INSC: variants seen among roughly 807,000 people sequenced by gnomAD.
INSC encodes protein inscuteable homolog.
INSC carries 67 observed loss-of-function variants against 58.6 expected under a neutral mutation model. The observed-to-expected ratio is 1.14, with a 90% CI of 0.94 to 1.40. The LOEUF (loss-of-function observed/expected upper bound fraction) is 1.40, where lower values mean the gene tolerates loss of function less well. INSC is among the 40% of genes most tolerant of loss of function. The pLI is 0.00. For synonymous variants in INSC, 262 were observed against 276.1 expected, an observed-to-expected ratio of 0.95 and a Z score of 0.51; for missense variants, 714 against 692.0, an observed-to-expected ratio of 1.03 and a Z score of -0.36.
Position 15,175,972 on chromosome 11 carries a change from C to T in INSC, c.288C>T (p.Ala96=), listed in dbSNP as rs921727981. 6.2e-7 allele frequency: 1 copy of T among 1,613,508 alleles called. No individual in the cohort carries two copies. The highest frequency in any genetic ancestry group is 1.7e-5 in the Admixed American group (1 of 59,930). Residue 96 remains alanine, a synonymous_variant, in exon 3 of 13, where the codon GCC becomes GCT. Coordinates refer to ENST00000379556, the MANE Select transcript of INSC (RefSeq NM_001042536.3). ...TGCGCAGGATCGGGCAGAAGCTGGCCCAGGACCGCTGGGCACGGGTGCACA... is the reference window on the plus strand; with the variant it reads ...TGCGCAGGATCGGGCAGAAGCTGGCTCAGGACCGCTGGGCACGGGTGCACA... ...TELRRIGQKL[A]QDRWARVHSM...
intron 7 of INSC, among the ~76,000 whole-genome samples, chr11:15,213,480 A>G (rs186601134): frequency 6.6e-6 from 1 of 152,292 alleles, no homozygotes; most frequent in African/African-American, 2.4e-5. Context: ...TGAAAACTTG[A>G]TATTTTCTTA....
chr11:15,173,827 C>T (rs531404114), intron 2 of INSC, among the ~76,000 whole-genome samples: 28 of 152,208 alleles, frequency 1.8e-4, no homozygotes, highest in Admixed American at 5.2e-4. Context: ...CATTTAAAAG[C>T]CTACAGTCAA....
At chr11:15,193,090 T>G (rs1314671172) in intron 6 of INSC, among the ~76,000 whole-genome samples, 2 of 152,212 alleles carry the variant, frequency 1.3e-5, no homozygotes, top group Non-Finnish European at 2.9e-5. Flanking sequence ...AATTGTGAGC[T>G]TTGATTCCAA....
At chr11:15,167,775 C>T (rs2133802875) in intron 2 of INSC, among the ~76,000 whole-genome samples, 2 of 152,276 alleles carry the variant, frequency 1.3e-5, no homozygotes, top group Admixed American at 1.3e-4. Flanking sequence ...TGAGACATCA[C>T]ACCTGGCTTA....
downstream of INSC, among the ~76,000 whole-genome samples, chr11:15,251,708 A>G (rs1201342355): frequency 2.6e-5 from 4 of 152,150 alleles, no homozygotes; most frequent in Non-Finnish European, 5.9e-5. Flanking sequence ...GTACCACTTC[A>G]TTCTGGTGGG....
At chr11:15,151,469 G>T (rs1016337680) in intron 2 of INSC, among the ~76,000 whole-genome samples, 2 of 152,118 alleles carry the variant, frequency 1.3e-5, no homozygotes, top group Non-Finnish European at 2.9e-5. Flanking sequence ...GTACCTCCCT[G>T]GGGGGTGGTC....
Position 15,178,352 on chromosome 11 carries a change from C to T in INSC, c.484C>T (p.Leu162=). 6.2e-7 allele frequency: 1 copy of T among 1,613,986 alleles called. No homozygotes were observed. Among genetic ancestry groups the T allele is most frequent in the Non-Finnish European group, 8.5e-7 (1 of 1,180,026 alleles). The part of the protein sequence containing the change: ...RCLQVENEHV[L]KSMKACVSET... ...CCTTCAGGTTGAGAATGAGCATGTCCTGAAGTCAATGAAGGCCTGCGTGAG... is the reference window on the plus strand; with the variant it reads ...CCTTCAGGTTGAGAATGAGCATGTCTTGAAGTCAATGAAGGCCTGCGTGAG... The change falls in exon 5 of 13, where the codon CTG becomes TTG. Residue 162 remains leucine (L), a synonymous_variant. Coordinates refer to ENST00000379556, the MANE Select transcript of INSC (RefSeq NM_001042536.3).
chr11:15,113,143 T>TTCTCTCTCTCTC, upstream of INSC, among the ~76,000 whole-genome samples: 5 of 98,618 alleles, frequency 5.1e-5, no homozygotes, highest in African/African-American at 1.1e-4. Flanking sequence ...CTTTCTTTCT[T>TTCTCTCTCTCTC]TCTGTCTCTC....
intron 7 of INSC, among the ~76,000 whole-genome samples, chr11:15,207,632 G>A (rs1179300146): frequency 1.3e-5 from 2 of 152,210 alleles, no homozygotes; most frequent in African/African-American, 4.8e-5. Context: ...GGGCAGGAGG[G>A]AGTGGGCTGC....
chr11:15,181,110 T>A (rs1304986799), intron 5 of INSC, among the ~76,000 whole-genome samples: 1 of 152,250 alleles, frequency 6.6e-6, no homozygotes, highest in African/African-American at 2.4e-5. Context: ...GATGTGCCGG[T>A]CTGCTTTGCA....
chr11:15,261,442 T>C, the INSC span, among the ~76,000 whole-genome samples: 1 of 152,192 alleles, frequency 6.6e-6, no homozygotes, highest in Admixed American at 6.5e-5. Context: ...TAACACAATA[T>C]TGACCACATA....
chr11:15,217,715 T>TA (rs1398527249), intron 7 of INSC, among the ~76,000 whole-genome samples: 2 of 152,148 alleles, frequency 1.3e-5, no homozygotes, highest in African/African-American at 4.8e-5. Flanking sequence ...ACAGGCAATT[T>TA]ATAGTAGAGG....
intron 5 of INSC, among the ~76,000 whole-genome samples, chr11:15,180,694 C>CGGGGGGGGGTGGGGG (rs1849744556): frequency 2.4e-5 from 1 of 41,822 alleles, no homozygotes; most frequent in East Asian, 8.5e-4. Flanking sequence ...AGGGGGGGGG[C>CGGGGGGGGGTGGGGG]GGGGGGGGGT....
At chr11:15,268,941 T>C in the INSC span, among the ~76,000 whole-genome samples, 1 of 152,116 alleles carries the variant, frequency 6.6e-6, no homozygotes, top group Non-Finnish European at 1.5e-5. Flanking sequence ...ATACCTACAT[T>C]ATTAACTTCA....
intron 9 of INSC, among the ~76,000 whole-genome samples, chr11:15,227,769 C>T (rs1355447538): frequency 2.0e-5 from 3 of 152,180 alleles, no homozygotes; most frequent in Non-Finnish European, 4.4e-5. Context: ...ATCCGCCTTA[C>T]TCATGCTCAT....
At chr11:15,191,131 C>T (rs1315120503) in intron 6 of INSC, among the ~76,000 whole-genome samples, 1 of 152,138 alleles carries the variant, frequency 6.6e-6, no homozygotes, top group African/African-American at 2.4e-5. Flanking sequence ...CAGGCGCCTG[C>T]CACCACGTCC....
At chr11:15,158,340 G>A (rs1848890254) in intron 2 of INSC, among the ~76,000 whole-genome samples, 1 of 150,540 alleles carries the variant, frequency 6.6e-6, no homozygotes, top group African/African-American at 2.5e-5. Flanking sequence ...ACCCGTTCCT[G>A]GCCCCACCCT....
At chr11:15,262,863 T>A in the INSC span, among the ~76,000 whole-genome samples, 1 of 151,866 alleles carries the variant, frequency 6.6e-6, no homozygotes, top group Admixed American at 6.6e-5. Flanking sequence ...TACAGCACTC[T>A]GAGAAACAGA....
chr11:15,237,772 T>C (rs988938910), intron 10 of INSC, among the ~76,000 whole-genome samples: 6 of 152,156 alleles, frequency 3.9e-5, no homozygotes, highest in African/African-American at 1.4e-4. Flanking sequence ...ACAGGATCAA[T>C]CTCTTTTAAA....
Sources: allele counts gnomAD v4.1 joint callset (sites outside exome capture counted in the v4.1 genomes callset), GRCh38; gene constraint gnomAD v4.1.1; transcripts MANE v1.5; gene names NCBI Gene and HGNC (gene_info 2026-07-23, HGNC 2026-07-21).